Variants in CALN1 observed in about 807,000 individuals in gnomAD.
CALN1 encodes the protein calcium-binding protein 8.
CALN1 carries 17 observed loss-of-function variants against 30.6 expected under a neutral mutation model. The ratio of observed to expected loss-of-function variants is 0.56; its 90% confidence interval spans 0.38 to 0.83. CALN1 has a LOEUF of 0.83. Ranked by LOEUF, CALN1 falls within the 40% of genes least tolerant of loss-of-function variation. The probability of loss-of-function intolerance (pLI) is 0.00; values close to 1 mark genes in which losing one functional copy is unlikely to be tolerated. For synonymous variants in CALN1, 156 were observed against 131.4 expected (o/e 1.19, Z -1.28); for missense variants, 291 against 354.9 (o/e 0.82, Z 1.45).
Position 71,785,220 on chromosome 7 carries a change from T to A in CALN1, c.*2555A>T, listed in dbSNP as rs992126155. On this transcript the variant is annotated 3_prime_UTR_variant, in exon 7 of 7. Coordinates refer to ENST00000395275, the MANE Select transcript of CALN1 (RefSeq NM_031468.4). Reference sequence around the variant, plus strand: ...TGCAGAGGAATGCATTCTCCTAGATTTTCCCCTGGGGAGGGTGGGCTTGCT... The same window carrying A: ...TGCAGAGGAATGCATTCTCCTAGATATTCCCCTGGGGAGGGTGGGCTTGCT... 1 of 199,714 alleles carries A rather than the reference T, an allele frequency of 5.0e-6. No individual in the cohort carries two copies. The highest frequency in any genetic ancestry group is 1.0e-5 in the Non-Finnish European group (1 of 99,640). The allele number at this position is 199,714 out of a possible 1,614,324, so 12.4% of individuals were successfully genotyped here. A position where few individuals can be genotyped will look rare whatever the true frequency, so the allele number is the denominator to read the frequency against.
chr7:72,157,585 A>C (rs900007192), intron 3 of CALN1, among the ~76,000 whole-genome samples: 3 of 152,184 alleles, frequency 2.0e-5, no homozygotes, highest in Admixed American at 1.3e-4. Flanking sequence ...GAAAAAAAAA[A>C]CAGGGTATTT....
At chr7:72,314,026 C>T (rs1800243377) in intron 2 of CALN1, among the ~76,000 whole-genome samples, 1 of 152,144 alleles carries the variant, frequency 6.6e-6, no homozygotes, top group African/African-American at 2.4e-5. Flanking sequence ...CAGCACATTG[C>T]CCCTATGCCT....
intron 4 of CALN1, among the ~76,000 whole-genome samples, chr7:72,093,382 T>A (rs1363236701): frequency 1.3e-5 from 2 of 152,198 alleles, no homozygotes; most frequent in Admixed American, 1.3e-4. Context: ...GATGGCACCG[T>A]ACACTCGTAC....
At chr7:72,290,159 T>A (rs1241741058) in intron 2 of CALN1, among the ~76,000 whole-genome samples, 1 of 122,194 alleles carries the variant, frequency 8.2e-6, no homozygotes, top group East Asian at 2.4e-4. Context: ...ACAAAATCCC[T>A]TAAAATTTAA....
intron 4 of CALN1, among the ~76,000 whole-genome samples, chr7:72,044,033 C>A (rs569039213): frequency 1.3e-5 from 2 of 152,054 alleles, no homozygotes; most frequent in Non-Finnish European, 2.9e-5. Context: ...AAAGTCCCCC[C>A]ACCCCCACCA....
At chr7:72,019,835 C>A (rs187313766) in intron 5 of CALN1, among the ~76,000 whole-genome samples, 20 of 152,246 alleles carry the variant, frequency 1.3e-4, no homozygotes, top group Non-Finnish European at 2.6e-4. Flanking sequence ...TGTTTTCTGG[C>A]CCTAGATTTT....
At chr7:72,328,279 G>A (rs1402128233) in intron 2 of CALN1, among the ~76,000 whole-genome samples, 1 of 152,158 alleles carries the variant, frequency 6.6e-6, no homozygotes, top group Non-Finnish European at 1.5e-5. Flanking sequence ...GGGGCCAGGT[G>A]GAGATAATTG....
chr7:71,978,509 C>T (rs1352616567), intron 5 of CALN1, among the ~76,000 whole-genome samples: 2 of 151,956 alleles, frequency 1.3e-5, no homozygotes, highest in Non-Finnish European at 1.5e-5. Flanking sequence ...CTCCTGACCT[C>T]GTGATCCGCC....
chr7:72,147,372 T>C (rs1330470394), intron 3 of CALN1, among the ~76,000 whole-genome samples: 1 of 151,836 alleles, frequency 6.6e-6, no homozygotes, highest in African/African-American at 2.4e-5. Flanking sequence ...AAAATGCTCA[T>C]CATCACTGGC....
intron 5 of CALN1, among the ~76,000 whole-genome samples, chr7:71,981,682 A>C (rs1425050292): frequency 6.6e-6 from 1 of 152,022 alleles, no homozygotes; most frequent in South Asian, 2.1e-4. Flanking sequence ...ACCAAAAAAA[A>C]AAACAAGAGG....
chr7:72,311,482 T>TTGTG (rs574830647), intron 2 of CALN1, among the ~76,000 whole-genome samples: 42 of 151,030 alleles, frequency 2.8e-4, no homozygotes, highest in Admixed American at 2.8e-3. Context: ...TTTTTCTTTT[T>TTGTG]TGTGTGTGTG....
chr7:71,791,268 T>C (rs1199352406), intron 6 of CALN1, among the ~76,000 whole-genome samples: 1 of 152,226 alleles, frequency 6.6e-6, no homozygotes, highest in Non-Finnish European at 1.5e-5. Flanking sequence ...GTTGATTCCA[T>C]GCATGTGTCT....
At chr7:72,332,790 T>C (rs1297687083) in intron 2 of CALN1, among the ~76,000 whole-genome samples, 1 of 152,128 alleles carries the variant, frequency 6.6e-6, no homozygotes, top group Non-Finnish European at 1.5e-5. Flanking sequence ...CTGACAACTC[T>C]CCTGTTTGCC....
intron 5 of CALN1, among the ~76,000 whole-genome samples, chr7:72,018,323 T>C (rs979488848): frequency 2.6e-5 from 4 of 152,050 alleles, no homozygotes; most frequent in Middle Eastern, 6.3e-3. Context: ...GCAGGAAGCC[T>C]ACCCCCCAGT....
At chr7:72,498,674 C>T in the CALN1 span, among the ~76,000 whole-genome samples, 1 of 151,992 alleles carries the variant, frequency 6.6e-6, no homozygotes, top group African/African-American at 2.4e-5. Flanking sequence ...ACGAGAAGTG[C>T]TAAAAGAAAT....
chr7:72,001,464 G>T (rs1474558316), intron 5 of CALN1, among the ~76,000 whole-genome samples: 1 of 152,192 alleles, frequency 6.6e-6, no homozygotes, highest in Non-Finnish European at 1.5e-5. Flanking sequence ...TACACATGTG[G>T]CCTCTCCTAG....
At chr7:71,879,463 G>A (rs1792441639) in intron 5 of CALN1, among the ~76,000 whole-genome samples, 1 of 152,180 alleles carries the variant, frequency 6.6e-6, no homozygotes, top group Non-Finnish European at 1.5e-5. Context: ...AGGCAGAAAT[G>A]GTCTCCTGTG....
At chr7:72,382,765 G>A (rs1471828062) in intron 2 of CALN1, among the ~76,000 whole-genome samples, 4 of 152,022 alleles carry the variant, frequency 2.6e-5, no homozygotes, top group African/African-American at 9.7e-5. Context: ...AGTCTCCCAG[G>A]TGCACCCATG....
intron 3 of CALN1, among the ~76,000 whole-genome samples, chr7:72,140,884 G>A (rs535338702): frequency 6.6e-6 from 1 of 152,350 alleles, no homozygotes; most frequent in East Asian, 1.9e-4. Context: ...CCAGCCCAGG[G>A]CGCTGGGGCC....
Sources: gnomAD v4.1 joint callset for allele counts (sites outside exome capture counted in the v4.1 genomes callset) on GRCh38, gnomAD v4.1.1 for gene constraint, MANE v1.5 for transcripts, NCBI Gene and HGNC (gene_info 2026-07-23, HGNC 2026-07-21) for gene names.